RABEP1: variants seen among roughly 807,000 people sequenced by gnomAD.
The protein encoded by RABEP1 is rabaptin, RAB GTPase binding effector protein 1.
A neutral mutation model predicts 123.4 loss-of-function variants in RABEP1; 51 were observed. That is an observed-to-expected ratio of 0.41 (90% CI 0.33 to 0.52). The LOEUF (loss-of-function observed/expected upper bound fraction) is 0.52, where lower values mean the gene tolerates loss of function less well. Among genes scored for constraint, RABEP1 ranks in the 20% least tolerant of loss-of-function variants. The pLI is 0.16. For missense variants in RABEP1, 888 were observed against 996.3 expected, an observed-to-expected ratio of 0.89 and a Z score of 1.46; for synonymous variants, 347 against 355.2, an observed-to-expected ratio of 0.98 and a Z score of 0.26.
chr17:5,343,218 C>T (rs561330478), intron 5 of RABEP1, among the ~76,000 whole-genome samples: 1 of 152,246 alleles, frequency 6.6e-6, no homozygotes, highest in East Asian at 1.9e-4. Flanking sequence ...CACCATTGCA[C>T]TCCAGCCTAG....
At chr17:5,342,865 A>G (rs927350821) in intron 5 of RABEP1, among the ~76,000 whole-genome samples, 1 of 152,226 alleles carries the variant, frequency 6.6e-6, no homozygotes, top group African/African-American at 2.4e-5. Context: ...AAACAAATGG[A>G]TCAATAAAAC....
rs1470212855 is a variant in RABEP1 at position 5,386,097 on chromosome 17, A to C, written c.*2874A>C. On this transcript the variant is annotated 3_prime_UTR_variant, in exon 18 of 18. Transcript: ENST00000537505. ...ATATTTAAAAAGATGAACCACACCA[A>C]AGGTCATCAAAACACCTTTTTATAA... is the stretch of plus-strand genomic sequence containing the variant. The C allele has an allele frequency of 1.3e-6, 1 of 751,192 alleles. No homozygotes were observed. The highest frequency in any genetic ancestry group is 2.2e-6 in the Non-Finnish European group (1 of 452,930). The allele number at this position is 751,192 out of a possible 1,614,324, so 46.5% of individuals were successfully genotyped here. A position where few individuals can be genotyped will look rare whatever the true frequency, so the allele number is the denominator to read the frequency against.
At chr17:5,323,809 TATATCTAGGA>T (rs2144574966) in intron 2 of RABEP1, among the ~76,000 whole-genome samples, 1 of 112,460 alleles carries the variant, frequency 8.9e-6, no homozygotes, top group African/African-American at 3.9e-5. Flanking sequence ...AATATATATA[TATATCTAGGA>T]ATATATATAT....
intron 1 of RABEP1, among the ~76,000 whole-genome samples, chr17:5,307,438 A>G (rs2075189701): frequency 6.6e-6 from 1 of 152,218 alleles, no homozygotes; most frequent in Non-Finnish European, 1.5e-5. Flanking sequence ...AAATTGAGTG[A>G]TTGGGAGAGG....
At chr17:5,287,598 CAAAAAAAAAAAAA>C (rs55858409) in intron 1 of RABEP1, among the ~76,000 whole-genome samples, 1 of 61,178 alleles carries the variant, frequency 1.6e-5, no homozygotes, top group Non-Finnish European at 3.0e-5. Flanking sequence ...GACTCTGTCG[CAAAAAAAAAAAAA>C]AAAAAAAAAA....
At position 5,319,524 on chromosome 17, in the gene RABEP1, A is replaced by C. The variant is rs374044810; in HGVS notation, c.163+10702A>C. On this transcript the variant is annotated intron_variant, in intron 2 of 17. Coordinates refer to ENST00000537505, the MANE Select transcript of RABEP1 (RefSeq NM_004703.6). The stretch of plus-strand genomic sequence containing the variant: ...TAGGATTACAGGCGCCCGCCACCAC[A>C]CCTGGCTGATTTTTGTATTTTTAGT... Among the ~76,000 whole-genome samples the C allele has an allele frequency of 8.6e-5, 13 of 151,264 alleles. No individual in the cohort carries two copies. In the South Asian group the frequency reaches 2.7e-3, roughly 32 times the overall value.
At chr17:5,359,423 T>C (rs956136578) in intron 8 of RABEP1, among the ~76,000 whole-genome samples, 1 of 152,132 alleles carries the variant, frequency 6.6e-6, no homozygotes, top group Admixed American at 6.6e-5. Flanking sequence ...CCCTAGCCCC[T>C]TCCCTCTTCA....
At chr17:5,378,355 C>G in intron 15 of RABEP1, 123 bp downstream of exon 15, 1 of 967,082 alleles carries the variant, frequency 1.0e-6, no homozygotes, top group South Asian at 1.4e-5. Flanking sequence ...GAACTTTTGT[C>G]TTGTGGGAAG....
At chr17:5,301,072 C>T (rs2075131532) in intron 1 of RABEP1, among the ~76,000 whole-genome samples, 1 of 152,142 alleles carries the variant, frequency 6.6e-6, no homozygotes, top group Non-Finnish European at 1.5e-5. Flanking sequence ...TTAAGGAATA[C>T]CCAAAAGCTG....
chr17:5,301,259 T>C (rs1597334146), intron 1 of RABEP1, among the ~76,000 whole-genome samples: 1 of 152,198 alleles, frequency 6.6e-6, no homozygotes, highest in African/African-American at 2.4e-5. Context: ...CTCGTTTCTT[T>C]ACACTGCTCT....
rs7342926 is a variant in RABEP1, at chr17:5,373,495, G to C, written c.2025+41G>C. ...CATGATCAAAAATGTCAACAAGTAC[G>C]TTTTCTGAAATGGCCGTATGTTCTT... is the stretch of plus-strand genomic sequence containing the variant. On this transcript the variant is annotated intron_variant, in intron 13 of 17. Transcript: ENST00000537505. 6 of 1,559,362 alleles carry C rather than the reference G, an allele frequency of 3.8e-6. No individual in the cohort carries two copies. The East Asian group carries it at 1.4e-4, about 36-fold the overall frequency.
chr17:5,317,187 A>T (rs2075306641), intron 2 of RABEP1, among the ~76,000 whole-genome samples: 1 of 152,344 alleles, frequency 6.6e-6, no homozygotes, highest in Middle Eastern at 3.4e-3. Context: ...TATAGATGCA[A>T]AAATTCTCAC....
At chr17:5,359,161 C>T (rs1026752959) in intron 8 of RABEP1, among the ~76,000 whole-genome samples, 1 of 151,070 alleles carries the variant, frequency 6.6e-6, no homozygotes, top group Non-Finnish European at 1.5e-5. Context: ...GCAAGCTCCG[C>T]CTCCCGGGTT....
At chr17:5,382,621 G>A (rs920401429) in intron 17 of RABEP1, among the ~76,000 whole-genome samples, 11 of 151,954 alleles carry the variant, frequency 7.2e-5, no homozygotes, top group South Asian at 2.1e-4. Flanking sequence ...GCATGGTGGC[G>A]TGTGCTTATA....
At position 5,386,139 on chromosome 17, in the gene RABEP1, T is replaced by G. The variant is rs1481953015; in HGVS notation, c.*2916T>G. 6 of 1,163,986 alleles carry G rather than the reference T, an allele frequency of 5.2e-6. No homozygotes were observed. The highest frequency in any genetic ancestry group is 2.3e-5 in the Admixed American group (1 of 43,810). 72.1% of individuals were successfully genotyped at this position (1,163,986 alleles called of 1,614,324 possible). ...TTTTTATAAATTAGATAATTCTACC[T>G]GTTTTACAATATGGGTTTAAGCCTT... On this transcript the variant is annotated 3_prime_UTR_variant, in exon 18 of 18. Transcript: ENST00000537505.
At chr17:5,323,611 CAT>C (rs1905603215) in intron 2 of RABEP1, among the ~76,000 whole-genome samples, 1 of 151,132 alleles carries the variant, frequency 6.6e-6, no homozygotes, top group Non-Finnish European at 1.5e-5. Flanking sequence ...AAAACACACA[CAT>C]ACACACACAA....
Position 5,282,308 on chromosome 17 carries a change from G to A in RABEP1, c.-179G>A. On this transcript the variant is annotated 5_prime_UTR_variant, in exon 1 of 18. Coordinates refer to ENST00000537505, the MANE Select transcript of RABEP1 (RefSeq NM_004703.6). ...TGTCAGGATGAGGAGGCGGAGGTCG[G>A]CGGTCGGGTCCGTCTCTGCCCGCGG... The A allele has an allele frequency of 2.4e-6, 1 of 422,548 alleles. No homozygotes were observed. Among genetic ancestry groups the A allele is most frequent in the Non-Finnish European group, 4.1e-6 (1 of 246,268 alleles). 26.2% of individuals were successfully genotyped at this position (422,548 alleles called of 1,614,324 possible).
chr17:5,356,021 A>G (rs997452999), intron 8 of RABEP1, among the ~76,000 whole-genome samples: 41 of 152,258 alleles, frequency 2.7e-4, no homozygotes, highest in African/African-American at 8.7e-4. Flanking sequence ...TGTGATTTAC[A>G]GAGAAGTATT....
At chr17:5,367,428 C>A (rs147425442) in intron 11 of RABEP1, among the ~76,000 whole-genome samples, 6 of 150,852 alleles carry the variant, frequency 4.0e-5, no homozygotes, top group Non-Finnish European at 6.0e-5. Context: ...CCCGCCACCA[C>A]GCCCGGCTAA....
Sources: allele counts gnomAD v4.1 joint callset (sites outside exome capture counted in the v4.1 genomes callset), GRCh38; gene constraint gnomAD v4.1.1; transcripts MANE v1.5; gene names NCBI Gene and HGNC (gene_info 2026-07-23, HGNC 2026-07-21).